Variants in PPFIBP2 observed in about 807,000 individuals in gnomAD.
PPFIBP2 encodes PPFIB scaffold protein 2, also known as liprin-beta-2.
In PPFIBP2, 118 loss-of-function variants were observed where a neutral mutation model predicts 118.3. The observed-to-expected ratio is 1.00, with a 90% CI of 0.86 to 1.16. The LOEUF (loss-of-function observed/expected upper bound fraction) is 1.16. Ranked by LOEUF, PPFIBP2 falls within the 50% of genes most tolerant of loss-of-function variation. The pLI is 0.00. For synonymous variants in PPFIBP2, 414 were observed against 397.4 expected (o/e 1.04, Z -0.50); for missense variants, 1,195 against 1,073.1 (o/e 1.11, Z -1.59).
rs1303916812 is a variant in PPFIBP2, at chr11:7,642,383, G to A, written c.1603G>A (p.Gly535Arg). 8 of 1,613,978 alleles carry A rather than the reference G, an allele frequency of 5.0e-6. No homozygotes were observed. In the East Asian group the frequency reaches 1.8e-4, roughly 36 times the overall value. ...ACGAGGTGGGCTCCGGGCAACCGCA[G>A]GGCCAAGACTCTCTAGGACCAGGGA... Reference protein sequence around the residue: ...FRRGGLRATAGPRLSRTRDSK... With the variant: ...FRRGGLRATARPRLSRTRDSK... Residue 535 changes from glycine to arginine, a missense_variant, in exon 17 of 24, where the codon GGG becomes AGG. By Grantham distance (125) the Gly-to-Arg change is moderately radical. Transcript: ENST00000299492.
At chr11:7,584,529 C>G (rs570678497) in intron 3 of PPFIBP2, among the ~76,000 whole-genome samples, 1 of 152,246 alleles carries the variant, frequency 6.6e-6, no homozygotes, top group East Asian at 1.9e-4. Flanking sequence ...GACCGTTCTT[C>G]ACCTAGAAAA....
intron 3 of PPFIBP2, among the ~76,000 whole-genome samples, chr11:7,589,022 TTGAA>T (rs1483446139): frequency 6.6e-6 from 1 of 152,178 alleles, no homozygotes; most frequent in Admixed American, 6.5e-5. Flanking sequence ...CTCTGACCAT[TTGAA>T]TGAATGGTCT....
At chr11:7,561,601 A>C (rs1353203310) in intron 2 of PPFIBP2, among the ~76,000 whole-genome samples, 1 of 152,168 alleles carries the variant, frequency 6.6e-6, no homozygotes, top group Non-Finnish European at 1.5e-5. Context: ...GGTGTATAAT[A>C]AAGATCTTAT....
Position 7,639,762 on chromosome 11 carries a change from C to A in PPFIBP2, c.1267C>A (p.Pro423Thr). 1 of 1,614,190 alleles carries A rather than the reference C, an allele frequency of 6.2e-7. No individual in the cohort carries two copies. The highest frequency in any genetic ancestry group is 8.5e-7 in the Non-Finnish European group (1 of 1,180,030). ...DSPFLAEHKY[P>T]TLPGKLSGAT... ...CCCTTTCTTGGCGGAGCACAAATAT[C>A]CCACTTTACCTGGGAAGCTTTCAGG... The change falls in exon 15 of 24, where the codon CCC (proline) becomes ACC (threonine). Residue 423 changes from proline (P) to threonine (T), a missense_variant. Physicochemically the swap from Pro to Thr is conservative, Grantham distance 38. Transcript: ENST00000299492.
chr11:7,612,749 G>A (rs1848213975), intron 6 of PPFIBP2, among the ~76,000 whole-genome samples: 1 of 152,212 alleles, frequency 6.6e-6, no homozygotes, highest in South Asian at 2.1e-4. Context: ...TCTGTAGGCT[G>A]TTCAAACCTG....
chr11:7,560,833 T>C (rs1174211029), intron 2 of PPFIBP2, among the ~76,000 whole-genome samples: 2 of 152,246 alleles, frequency 1.3e-5, no homozygotes, highest in African/African-American at 4.8e-5. Flanking sequence ...TTTCAACAAT[T>C]TACGTAGGTG....
chr11:7,541,462 C>T (rs1012679544), intron 1 of PPFIBP2, among the ~76,000 whole-genome samples: 1 of 152,238 alleles, frequency 6.6e-6, no homozygotes, highest in East Asian at 1.9e-4. Flanking sequence ...TTTGGTGCAC[C>T]TGACTGCGCC....
intron 2 of PPFIBP2, among the ~76,000 whole-genome samples, chr11:7,557,240 T>A (rs1853735309): frequency 1.4e-5 from 2 of 143,580 alleles, no homozygotes; most frequent in South Asian, 4.3e-4. Context: ...TTCTTTATTT[T>A]GGTTTGTATT....
downstream of PPFIBP2, chr11:7,655,434 T>C: frequency 1.6e-6 from 2 of 1,289,756 alleles, no homozygotes; most frequent in African/African-American, 1.5e-5. Context: ...ATTTTACAGA[T>C]GGCACCTTCG....
At chr11:7,600,650 T>G (rs1861265090) in intron 5 of PPFIBP2, among the ~76,000 whole-genome samples, 1 of 152,208 alleles carries the variant, frequency 6.6e-6, no homozygotes, top group African/African-American at 2.4e-5. Context: ...ATCCTTTCAC[T>G]GTCTCAGTGT....
At chr11:7,648,084 T>G (rs1396454174) in intron 17 of PPFIBP2, 2 of 273,662 alleles carry the variant, frequency 7.3e-6, no homozygotes, top group South Asian at 7.8e-5. Flanking sequence ...TGTATATGTG[T>G]GTATGCGGAC....
rs760588870 is a variant in PPFIBP2, at chr11:7,641,560, A to G, written c.1457A>G (p.Gln486Arg). Residue 486 changes from glutamine (Q) to arginine (R), a missense_variant, in exon 16 of 24, where the codon CAG (glutamine) becomes CGG (arginine). Gln to Arg is a conservative substitution (Grantham distance 43). Coordinates refer to ENST00000299492, the MANE Select transcript of PPFIBP2 (RefSeq NM_003621.5). ...TCATCGGGCACTGAATCAGGTCCTCAGTCTCCTCTGACACCAGATGGTAAA... is the reference window on the plus strand; with the variant it reads ...TCATCGGGCACTGAATCAGGTCCTCGGTCTCCTCTGACACCAGATGGTAAA... Reference protein sequence around the residue: ...STSSGTESGPQSPLTPDGKRN... With the variant: ...STSSGTESGPRSPLTPDGKRN... 7.4e-6 allele frequency: 12 copies of G among 1,613,852 alleles called. 1 individual carries two copies. In the South Asian group the frequency reaches 8.8e-5, roughly 12 times the overall value.
At chr11:7,646,103 G>C (rs1030050568) in intron 17 of PPFIBP2, among the ~76,000 whole-genome samples, 2 of 152,204 alleles carry the variant, frequency 1.3e-5, no homozygotes, top group Non-Finnish European at 2.9e-5. Flanking sequence ...TAGCCCTCTA[G>C]ATTGTTGTTC....
intron 3 of PPFIBP2, among the ~76,000 whole-genome samples, chr11:7,586,745 G>C (rs1039280139): frequency 2.0e-5 from 3 of 152,142 alleles, no homozygotes; most frequent in African/African-American, 7.2e-5. Context: ...TTCTGTAAAT[G>C]AATATGGAAG....
chr11:7,607,924 G>A (rs1350210030), intron 5 of PPFIBP2, among the ~76,000 whole-genome samples: 1 of 152,208 alleles, frequency 6.6e-6, no homozygotes, highest in Non-Finnish European at 1.5e-5. Flanking sequence ...AATAAGGTAG[G>A]TAGGCAGAAG....
intron 1 of PPFIBP2, chr11:7,548,312 C>T (rs1397067935): frequency 1.3e-5 from 2 of 152,342 alleles, no homozygotes; most frequent in Middle Eastern, 3.4e-3. Context: ...TGCCCATTTT[C>T]CTGTCTTCAC....
chr11:7,629,293 G>A (rs373942512), intron 9 of PPFIBP2, among the ~76,000 whole-genome samples, 166 bp from the exon 10 acceptor site: 3 of 152,144 alleles, frequency 2.0e-5, no homozygotes, highest in African/African-American at 7.2e-5. Flanking sequence ...CTATGAGGCA[G>A]ACCACTGAAA....
In PPFIBP2 at chr11:7,649,311, A is replaced by T; in HGVS notation, c.1998+76A>T. On this transcript the variant is annotated intron_variant, in intron 20 of 23. Coordinates refer to ENST00000299492, the MANE Select transcript of PPFIBP2 (RefSeq NM_003621.5). ...CACGTGTACCCATGGTGGTTATTTT[A>T]AACTTGATTCCATATATTCTTAAGG... 3 of 1,394,682 alleles carry T rather than the reference A, an allele frequency of 2.2e-6. No homozygotes were observed. In the South Asian group the frequency reaches 3.7e-5, roughly 17 times the overall value. 86.4% of individuals were successfully genotyped at this position (1,394,682 alleles called of 1,614,324 possible).
intron 19 of PPFIBP2, 87 bp downstream of exon 19, chr11:7,648,998 A>G (rs1375514726): frequency 1.5e-6 from 2 of 1,374,016 alleles, no homozygotes; most frequent in Non-Finnish European, 2.1e-6. Flanking sequence ...TACCTCAAGG[A>G]CAGCTGTCTC....
Sources: allele counts gnomAD v4.1 joint callset (sites outside exome capture counted in the v4.1 genomes callset), GRCh38; gene constraint gnomAD v4.1.1; transcripts MANE v1.5; gene names NCBI Gene and HGNC (gene_info 2026-07-23, HGNC 2026-07-21).